SLC14A2: variants seen among roughly 807,000 people sequenced by gnomAD.
SLC14A2 encodes urea transporter 2.
In SLC14A2, 91 loss-of-function variants were observed where a neutral mutation model predicts 104.6. That is an observed-to-expected ratio of 0.87 (90% CI 0.73 to 1.04). The LOEUF is 1.04. SLC14A2 is among the 50% of genes least tolerant of loss of function. The probability of loss-of-function intolerance (pLI) is 0.00; values close to 1 mark genes in which losing one functional copy is unlikely to be tolerated. For missense variants in SLC14A2, 1,189 were observed against 1,156.0 expected (o/e 1.03, Z -0.41); for synonymous variants, 476 against 466.4 (o/e 1.02, Z -0.27).
chr18:45,210,501 C>G (rs546413774), upstream of SLC14A2, among the ~76,000 whole-genome samples: 1 of 152,130 alleles, frequency 6.6e-6, no homozygotes, highest in Non-Finnish European at 1.5e-5. Context: ...ATTGCTTGAA[C>G]CCAGGAGTTC....
At chr18:45,405,915 A>T (rs1018892805) in intron 1 of SLC14A2, among the ~76,000 whole-genome samples, 1 of 148,316 alleles carries the variant, frequency 6.7e-6, no homozygotes, top group African/African-American at 2.6e-5. Context: ...AAAAAAAAAA[A>T]TGCTAACAGT....
At chr18:45,629,261 A>T (rs569992437) in intron 4 of SLC14A2, among the ~76,000 whole-genome samples, 1 of 152,314 alleles carries the variant, frequency 6.6e-6, no homozygotes, top group South Asian at 2.1e-4. Context: ...GTGGCGTTGG[A>T]GGACCACTCA....
At chr18:45,374,388 T>G (rs2085752765) in intron 1 of SLC14A2, among the ~76,000 whole-genome samples, 1 of 152,206 alleles carries the variant, frequency 6.6e-6, no homozygotes, top group Non-Finnish European at 1.5e-5. Flanking sequence ...GGCCACCACT[T>G]CCCATGCTAA....
At chr18:45,266,265 G>A (rs140466095) in intron 1 of SLC14A2, among the ~76,000 whole-genome samples, 5 of 152,198 alleles carry the variant, frequency 3.3e-5, no homozygotes, top group African/African-American at 9.6e-5. Flanking sequence ...GAGAGGAAGT[G>A]GGTATATTCC....
At chr18:45,431,808 G>A (rs1393160199) in intron 1 of SLC14A2, among the ~76,000 whole-genome samples, 1 of 152,226 alleles carries the variant, frequency 6.6e-6, no homozygotes, top group Non-Finnish European at 1.5e-5. Context: ...GGGGCCCATG[G>A]TAGCCAATAG....
At chr18:45,453,942 C>A (rs529588807) in intron 1 of SLC14A2, among the ~76,000 whole-genome samples, 71 of 150,944 alleles carry the variant, frequency 4.7e-4, no homozygotes, top group Non-Finnish European at 9.6e-4. Context: ...TCACTGCAAC[C>A]TCTGCCTCCC....
At chr18:45,276,200 T>C (rs935230624) in intron 1 of SLC14A2, among the ~76,000 whole-genome samples, 4 of 152,216 alleles carry the variant, frequency 2.6e-5, no homozygotes, top group Non-Finnish European at 5.9e-5. Flanking sequence ...CTGTAGGTTG[T>C]GGTAAGAAAA....
upstream of SLC14A2, among the ~76,000 whole-genome samples, chr18:45,211,688 C>A (rs1409856997): frequency 6.6e-6 from 1 of 152,154 alleles, no homozygotes; most frequent in African/African-American, 2.4e-5. Context: ...AGCACTTACT[C>A]TTTGCCAGAC....
intron 2 of SLC14A2, among the ~76,000 whole-genome samples, chr18:45,515,825 AAAG>A (rs1265343579): frequency 2.0e-5 from 3 of 152,234 alleles, no homozygotes; most frequent in African/African-American, 7.2e-5. Context: ...AGAACCAGAG[AAAG>A]AAGGATTCAG....
chr18:45,237,438 C>T (rs1217908986), intron 1 of SLC14A2, among the ~76,000 whole-genome samples: 1 of 152,172 alleles, frequency 6.6e-6, no homozygotes, highest in Admixed American at 6.5e-5. Context: ...CAGCACTCAG[C>T]CTTCCTTTCC....
intron 1 of SLC14A2, among the ~76,000 whole-genome samples, chr18:45,452,050 G>T (rs2086866388): frequency 6.6e-6 from 1 of 151,712 alleles, no homozygotes; most frequent in East Asian, 1.9e-4. Flanking sequence ...AATATGGGGG[G>T]TACTCAAGAG....
At chr18:45,300,918 A>C (rs2084962331) in intron 1 of SLC14A2, among the ~76,000 whole-genome samples, 1 of 152,214 alleles carries the variant, frequency 6.6e-6, no homozygotes, top group Admixed American at 6.5e-5. Context: ...TAAAGGAGGC[A>C]GATGTGTGCA....
At chr18:45,223,365 C>G (rs1396759697) in intron 1 of SLC14A2, among the ~76,000 whole-genome samples, 1 of 152,112 alleles carries the variant, frequency 6.6e-6, no homozygotes, top group African/African-American at 2.4e-5. Flanking sequence ...AAAAGAGGAT[C>G]TTTTGATAGA....
At chr18:45,515,008 C>T (rs188189068) in intron 2 of SLC14A2, among the ~76,000 whole-genome samples, 1 of 152,244 alleles carries the variant, frequency 6.6e-6, no homozygotes, top group Admixed American at 6.5e-5. Context: ...ATAAGAACCC[C>T]ATGAAGCATC....
rs374491030 is a variant in SLC14A2 at position 45,496,247 on chromosome 18, G to A, written c.-35+12925G>A. On this transcript the variant is annotated intron_variant, in intron 2 of 20. Transcript: ENST00000586448. ...ATTATACAAAAGAGTGTGAAATTCA[G>A]AGAAGTAACATTTCCAAGTGTGATG... is the stretch of plus-strand genomic sequence containing the variant. Among the ~76,000 whole-genome samples the A allele has an allele frequency of 4.6e-5, 7 of 152,330 alleles. No individual in the cohort carries two copies. The East Asian group carries it at 7.7e-4, about 17-fold the overall frequency.
chr18:45,211,217 CA>C (rs1327661468), upstream of SLC14A2, among the ~76,000 whole-genome samples: 6 of 152,160 alleles, frequency 3.9e-5, no homozygotes, highest in African/African-American at 1.2e-4. Context: ...TTCTTGACAG[CA>C]CAACCAACAT....
intron 10 of SLC14A2, 68 bp downstream of exon 10, chr18:45,644,228 C>G: frequency 6.6e-7 from 1 of 1,519,444 alleles, no homozygotes; most frequent in South Asian, 1.2e-5. Flanking sequence ...GTGTTCTCTG[C>G]TCTGGTTCAA....
chr18:45,311,061 C>A (rs188010703), intron 1 of SLC14A2, among the ~76,000 whole-genome samples: 1 of 152,226 alleles, frequency 6.6e-6, no homozygotes, highest in African/African-American at 2.4e-5. Context: ...GGTATAAGAC[C>A]CAATTCTTGC....
At chr18:45,309,591 C>T (rs75266162) in intron 1 of SLC14A2, among the ~76,000 whole-genome samples, 4,394 of 152,236 alleles carry the variant, frequency 0.029, 204 homozygotes, top group African/African-American at 0.1. Context: ...CACTCCTTGT[C>T]CACTGTTCTT....
Sources: allele counts gnomAD v4.1 joint callset (sites outside exome capture counted in the v4.1 genomes callset), GRCh38; gene constraint gnomAD v4.1.1; transcripts MANE v1.5; gene names NCBI Gene and HGNC (gene_info 2026-07-23, HGNC 2026-07-21).